Variants in PTPRD observed in about 807,000 individuals in gnomAD.
The protein encoded by PTPRD is protein tyrosine phosphatase receptor type D, also known as receptor-type tyrosine-protein phosphatase delta.
PTPRD carries 34 observed loss-of-function variants against 214.5 expected under a neutral mutation model. The observed-to-expected ratio is 0.16, with a 90% CI of 0.12 to 0.21. PTPRD has a LOEUF of 0.21. PTPRD is among the 10% of genes least tolerant of loss of function. PTPRD has a pLI of 1.00. For missense variants in PTPRD, 2,545 were observed against 2,398.7 expected (o/e 1.06, Z -1.27); for synonymous variants, 1,128 against 845.7 (o/e 1.33, Z -5.79).
At position 9,406,729 on chromosome 9, in the gene PTPRD, G is replaced by T. The variant is rs191888953; in HGVS notation, c.-236-9247C>A. Reference sequence around the variant, plus strand: ...GAGAGACTGACAAAGTTGGATGCTTGAGGAAAGAGTCTGTGGGGAAGGAGA... The same window carrying T: ...GAGAGACTGACAAAGTTGGATGCTTTAGGAAAGAGTCTGTGGGGAAGGAGA... On this transcript the variant is annotated intron_variant, in intron 8 of 45. Coordinates refer to ENST00000381196, the MANE Select transcript of PTPRD (RefSeq NM_002839.4). 5.3e-5 allele frequency among the ~76,000 whole-genome samples: 8 copies of T among 151,902 alleles called. No individual in the cohort carries two copies. In the East Asian group the frequency reaches 1.2e-3, roughly 22 times the overall value.
chr9:8,732,156 C>G (rs1179433016), intron 12 of PTPRD, among the ~76,000 whole-genome samples: 1 of 152,132 alleles, frequency 6.6e-6, no homozygotes, highest in African/African-American at 2.4e-5. Context: ...TTTTTTCAAA[C>G]ACAATTTTAA....
intron 2 of PTPRD, among the ~76,000 whole-genome samples, chr9:10,510,202 T>C (rs889355082): frequency 1.3e-5 from 2 of 152,130 alleles, no homozygotes; most frequent in African/African-American, 4.8e-5. Context: ...CATTCCTTTC[T>C]TTCCCATACC....
intron 44 of PTPRD, among the ~76,000 whole-genome samples, chr9:8,326,138 C>G (rs4268178): frequency 0.33 from 49,563 of 152,126 alleles, 8,670 homozygotes; most frequent in South Asian, 0.44. Context: ...GGGCATCCCT[C>G]TCTTGTGCTA....
At chr9:9,484,115 A>G (rs1444005965) in intron 8 of PTPRD, among the ~76,000 whole-genome samples, 1 of 151,984 alleles carries the variant, frequency 6.6e-6, no homozygotes, top group Non-Finnish European at 1.5e-5. Context: ...GTAATGGGTT[A>G]ATAAGAGATT....
intron 8 of PTPRD, among the ~76,000 whole-genome samples, chr9:9,534,889 T>G (rs2154267158): frequency 6.6e-6 from 1 of 152,198 alleles, no homozygotes; most frequent in Non-Finnish European, 1.5e-5. Context: ...TAAAGACAGC[T>G]ATTTATTTAT....
chr9:9,865,083 T>G (rs890484453), intron 5 of PTPRD, among the ~76,000 whole-genome samples: 3 of 152,180 alleles, frequency 2.0e-5, no homozygotes, highest in East Asian at 3.8e-4. Context: ...CTCTACAAAT[T>G]GCAAATCTAC....
At chr9:9,952,410 T>C (rs898880062) in intron 4 of PTPRD, among the ~76,000 whole-genome samples, 1 of 152,128 alleles carries the variant, frequency 6.6e-6, no homozygotes, top group Non-Finnish European at 1.5e-5. Context: ...CGGGAAATGG[T>C]GTTCCTGGGG....
chr9:10,017,693 G>A (rs542850942), intron 4 of PTPRD, among the ~76,000 whole-genome samples: 51 of 151,990 alleles, frequency 3.4e-4, no homozygotes, highest in Middle Eastern at 3.4e-3. Context: ...TCTGGCAATC[G>A]CATCTCTTTC....
intron 11 of PTPRD, among the ~76,000 whole-genome samples, chr9:8,743,359 G>A (rs1309932762): frequency 6.6e-6 from 1 of 152,180 alleles, no homozygotes; most frequent in Admixed American, 6.5e-5. Context: ...AAATGGAACA[G>A]ACATTGCACT....
chr9:9,291,175 T>C (rs925170545), intron 9 of PTPRD, among the ~76,000 whole-genome samples: 1 of 151,518 alleles, frequency 6.6e-6, no homozygotes, highest in Non-Finnish European at 1.5e-5. Context: ...GTTTTGAATA[T>C]AGATAATCAC....
rs775878619 is a variant in PTPRD, at chr9:10,413,189, T to C, written c.-599-72172A>G. The stretch of plus-strand genomic sequence containing the variant: ...AGTCAAACTATCTCTGCAGATGACA[T>C]GATTCTATATCTAGAAAACCCCACA... On this transcript the variant is annotated intron_variant, in intron 2 of 45. Transcript: ENST00000381196. Among the ~76,000 whole-genome samples the C allele has an allele frequency of 3.3e-5, 5 of 152,008 alleles. No individual in the cohort carries two copies. The South Asian group carries it at 8.3e-4, about 25-fold the overall frequency.
At chr9:10,444,788 G>A (rs2098787213) in intron 2 of PTPRD, among the ~76,000 whole-genome samples, 1 of 151,782 alleles carries the variant, frequency 6.6e-6, no homozygotes, top group Admixed American at 6.6e-5. Context: ...GAGACATAAT[G>A]TTCAGATAAT....
At chr9:8,606,781 T>A (rs762595666) in intron 14 of PTPRD, among the ~76,000 whole-genome samples, 3 of 152,254 alleles carry the variant, frequency 2.0e-5, no homozygotes, top group Non-Finnish European at 4.4e-5. Context: ...TCTCACCTCC[T>A]TAGTTGCCAC....
intron 9 of PTPRD, among the ~76,000 whole-genome samples, chr9:9,281,365 A>G (rs530896533): frequency 2.0e-5 from 3 of 151,390 alleles, no homozygotes; most frequent in Non-Finnish European, 3.0e-5. Flanking sequence ...AAAGACTGTT[A>G]TTCAAAATAT....
intron 11 of PTPRD, among the ~76,000 whole-genome samples, chr9:8,953,479 CA>C (rs1307957342): frequency 2.6e-5 from 4 of 151,750 alleles, no homozygotes; most frequent in East Asian, 1.9e-4. Flanking sequence ...GCAATGGCAA[CA>C]AAAACAAAAA....
chr9:9,423,068 C>G (rs919851359), intron 8 of PTPRD, among the ~76,000 whole-genome samples: 1 of 152,078 alleles, frequency 6.6e-6, no homozygotes, highest in Non-Finnish European at 1.5e-5. Flanking sequence ...TCATCCTCTT[C>G]CTCATGAAGT....
At chr9:8,941,107 C>T (rs76511465) in intron 11 of PTPRD, among the ~76,000 whole-genome samples, 1 of 152,194 alleles carries the variant, frequency 6.6e-6, no homozygotes, top group South Asian at 2.1e-4. Flanking sequence ...ACCCTCCCAC[C>T]AAGTCAGGTA....
intron 12 of PTPRD, among the ~76,000 whole-genome samples, chr9:8,669,566 G>C (rs1165212452): frequency 1.3e-5 from 2 of 152,138 alleles, no homozygotes; most frequent in African/African-American, 4.8e-5. Flanking sequence ...GAAGGAAATA[G>C]GCTGCTGTGC....
intron 7 of PTPRD, among the ~76,000 whole-genome samples, chr9:9,581,678 C>A (rs1359531718): frequency 6.6e-6 from 1 of 152,016 alleles, no homozygotes; most frequent in African/African-American, 2.4e-5. Context: ...TTTACCTTAT[C>A]AAAATCTTCT....
Sources: gnomAD v4.1 joint callset for allele counts (sites outside exome capture counted in the v4.1 genomes callset) on GRCh38, gnomAD v4.1.1 for gene constraint, MANE v1.5 for transcripts, NCBI Gene and HGNC (gene_info 2026-07-23, HGNC 2026-07-21) for gene names.